Variants in IFTAP observed in about 807,000 individuals in gnomAD.
IFTAP encodes intraflagellar transport-associated protein.
A neutral mutation model predicts 19.4 loss-of-function variants in IFTAP; 19 were observed. That is an observed-to-expected ratio of 0.98 (90% CI 0.68 to 1.44). The LOEUF is 1.44. IFTAP is among the 40% of genes most tolerant of loss of function. The pLI, the probability that IFTAP is intolerant of heterozygous loss-of-function variation, is 0.00. For missense variants in IFTAP, 240 were observed against 253.6 expected (o/e 0.95, Z 0.36); for synonymous variants, 85 against 83.5 (o/e 1.02, Z -0.10).
intron 2 of IFTAP, among the ~76,000 whole-genome samples, chr11:36,626,941 C>G (rs1354283185): frequency 6.6e-6 from 1 of 151,158 alleles, no homozygotes; most frequent in East Asian, 1.9e-4. Flanking sequence ...TGGAAACACT[C>G]CAAATGTTTA....
intron 3 of IFTAP, among the ~76,000 whole-genome samples, chr11:36,635,731 G>A (rs1313238520): frequency 6.6e-6 from 1 of 152,198 alleles, no homozygotes; most frequent in East Asian, 1.9e-4. Context: ...AACTGTCATG[G>A]TGGTGGTATA....
intron 5 of IFTAP, among the ~76,000 whole-genome samples, chr11:36,651,540 G>T (rs975852313): frequency 1.3e-5 from 2 of 152,182 alleles, no homozygotes; most frequent in Non-Finnish European, 2.9e-5. Context: ...TTGCTGTGCA[G>T]AAGCTCTTTA....
At chr11:36,608,538 G>A (rs16929136) in intron 1 of IFTAP, among the ~76,000 whole-genome samples, 23,483 of 152,184 alleles carry the variant, frequency 0.15, 2,614 homozygotes, top group African/African-American at 0.31. Context: ...AATACTTTAT[G>A]CAGAATGAAT....
At chr11:36,596,789 A>C (rs1851283291) in intron 1 of IFTAP, among the ~76,000 whole-genome samples, 1 of 152,186 alleles carries the variant, frequency 6.6e-6, no homozygotes, top group African/African-American at 2.4e-5. Context: ...TTTTAAAGCA[A>C]TGTTTTTATT....
chr11:36,608,405 CCCTT>C (rs1163321275), intron 1 of IFTAP, among the ~76,000 whole-genome samples: 2 of 152,220 alleles, frequency 1.3e-5, no homozygotes, highest in Non-Finnish European at 2.9e-5. Context: ...TTGGTGCTCT[CCCTT>C]CCTTCCATTA....
intron 2 of IFTAP, 147 bp from the exon 3 acceptor site, chr11:36,633,137 C>T (rs1852793477): frequency 1.8e-6 from 1 of 569,670 alleles, no homozygotes; most frequent in African/African-American, 2.0e-5. Context: ...TTTAACAGTT[C>T]AGAGTGCTTA....
At chr11:36,636,661 C>G (rs1264082695) in intron 4 of IFTAP, among the ~76,000 whole-genome samples, 1 of 152,076 alleles carries the variant, frequency 6.6e-6, no homozygotes, top group Non-Finnish European at 1.5e-5. Context: ...CTTCAGTGAA[C>G]TATTCTAAAG....
chr11:36,653,385 T>G (rs1853829315), intron 5 of IFTAP, among the ~76,000 whole-genome samples: 1 of 152,202 alleles, frequency 6.6e-6, no homozygotes, highest in South Asian at 2.1e-4. Context: ...ACATATTTCT[T>G]TCAGCTCCTT....
intron 1 of IFTAP, among the ~76,000 whole-genome samples, chr11:36,602,281 G>T (rs375334522): frequency 1.3e-5 from 2 of 152,130 alleles, no homozygotes; most frequent in African/African-American, 4.8e-5. Flanking sequence ...ATTTAGTTCA[G>T]TTGGTCTACA....
intron 1 of IFTAP, among the ~76,000 whole-genome samples, chr11:36,605,025 G>T (rs565189110): frequency 2.0e-5 from 3 of 151,220 alleles, no homozygotes; most frequent in Non-Finnish European, 2.9e-5. Flanking sequence ...TTAAATCTCT[G>T]CAGTTAGAGT....
intron 2 of IFTAP, among the ~76,000 whole-genome samples, chr11:36,622,526 A>G (rs1391542): frequency 0.11 from 17,244 of 152,062 alleles, 1,150 homozygotes; most frequent in African/African-American, 0.17. Context: ...CAATCCTTGG[A>G]TTCAGAAGAC....
chr11:36,603,563 C>T (rs1456077242), intron 1 of IFTAP, among the ~76,000 whole-genome samples: 1 of 152,144 alleles, frequency 6.6e-6, no homozygotes, highest in Non-Finnish European at 1.5e-5. Context: ...TAACATCATG[C>T]ATAAGTTTAG....
chr11:36,641,790 C>A (rs544118714), intron 4 of IFTAP, among the ~76,000 whole-genome samples: 2 of 152,188 alleles, frequency 1.3e-5, no homozygotes, highest in African/African-American at 4.8e-5. Flanking sequence ...TCTATTAGGT[C>A]CGCTTCGTGC....
chr11:36,656,499 G>A (rs1937536876), intron 5 of IFTAP, among the ~76,000 whole-genome samples: 1 of 152,068 alleles, frequency 6.6e-6, no homozygotes, highest in Admixed American at 6.6e-5. Context: ...GAACCTGGGA[G>A]GCGGAGGTTG....
chr11:36,597,605 T>C (rs1190056021), intron 1 of IFTAP: 1 of 152,230 alleles, frequency 6.6e-6, no homozygotes, highest in Non-Finnish European at 1.5e-5. Flanking sequence ...TCTGGGTTTA[T>C]AGTTCCTAAT....
At chr11:36,611,401 C>T (rs538797755) in intron 2 of IFTAP, among the ~76,000 whole-genome samples, 1 of 152,008 alleles carries the variant, frequency 6.6e-6, no homozygotes, top group Non-Finnish European at 1.5e-5. Flanking sequence ...TTAAAAAAAC[C>T]TCCTCTGGTG....
intron 4 of IFTAP, among the ~76,000 whole-genome samples, chr11:36,643,991 G>T (rs943891141): frequency 1.3e-5 from 2 of 152,182 alleles, no homozygotes; most frequent in African/African-American, 4.8e-5. Flanking sequence ...AGCCAAAATT[G>T]ACAAGTGGAA....
intron 2 of IFTAP, among the ~76,000 whole-genome samples, chr11:36,625,341 T>C (rs985307474): frequency 1.4e-4 from 22 of 152,170 alleles, no homozygotes; most frequent in African/African-American, 5.3e-4. Flanking sequence ...ATTCAGCAAA[T>C]TTATTATAAT....
intron 2 of IFTAP, among the ~76,000 whole-genome samples, chr11:36,632,490 T>C (rs901602589): frequency 6.6e-6 from 1 of 151,182 alleles, no homozygotes; most frequent in African/African-American, 2.5e-5. Flanking sequence ...TATTTCATTT[T>C]ATTTCCCCCA....
Sources: allele counts gnomAD v4.1 joint callset (sites outside exome capture counted in the v4.1 genomes callset), GRCh38; gene constraint gnomAD v4.1.1; transcripts MANE v1.5; gene names NCBI Gene and HGNC (gene_info 2026-07-23, HGNC 2026-07-21).